WASHC5: variants seen among roughly 807,000 people sequenced by gnomAD.
WASHC5 encodes WASH complex subunit strumpellin.
Under a neutral mutation model 150.4 loss-of-function variants are expected in WASHC5, and 101 were observed. The ratio of observed to expected loss-of-function variants is 0.67; its 90% CI spans 0.57 to 0.79. WASHC5 has a LOEUF of 0.79. WASHC5 is among the 30% of genes least tolerant of loss of function. The pLI is 0.00. For synonymous variants in WASHC5, 467 were observed against 491.2 expected (o/e 0.95, Z 0.65); for missense variants, 1,195 against 1,396.3 (o/e 0.86, Z 2.30).
chr8:125,068,302 G>T (rs1816806157), intron 9 of WASHC5, among the ~76,000 whole-genome samples: 1 of 152,132 alleles, frequency 6.6e-6, no homozygotes. Flanking sequence ...TGGAATTTTG[G>T]TACATGCTGG....
At chr8:125,062,889 A>G (rs970535472) in intron 11 of WASHC5, among the ~76,000 whole-genome samples, 1 of 152,196 alleles carries the variant, frequency 6.6e-6, no homozygotes, top group African/African-American at 2.4e-5. Flanking sequence ...TCTTATTTAT[A>G]AAAAATTTGA....
At position 125,049,191 on chromosome 8, in the gene WASHC5, G is replaced by A. The variant is rs760696858; in HGVS notation, c.2200-6C>T. 4 of 1,613,998 alleles carry A rather than the reference G, an allele frequency of 2.5e-6. No homozygotes were observed. The Admixed American group carries it at 6.7e-5, about 27-fold the overall frequency. ...TTGGGCATCAATTCACTTGGCTGTG[G>A]AAAAGGGGAAACATAAAGCTCTTAC... On this transcript the variant is annotated splice_polypyrimidine_tract_variant and splice_region_variant and intron_variant, in intron 18 of 28. Coordinates refer to ENST00000318410, the MANE Select transcript of WASHC5 (RefSeq NM_014846.4).
chr8:125,058,919 G>A (rs530569151), intron 14 of WASHC5, among the ~76,000 whole-genome samples: 1 of 151,862 alleles, frequency 6.6e-6, no homozygotes, highest in Non-Finnish European at 1.5e-5. Context: ...CATGCCTAGG[G>A]AATAAAGGAC....
chr8:125,080,765 T>G (rs1817233857), intron 5 of WASHC5, among the ~76,000 whole-genome samples: 1 of 152,216 alleles, frequency 6.6e-6, no homozygotes, highest in Non-Finnish European at 1.5e-5. Context: ...AAGACCTTAC[T>G]TCCTGAAGAA....
chr8:125,075,144 TCC>T, intron 7 of WASHC5, 33 bp from the exon 8 acceptor site: 2 of 1,297,358 alleles, frequency 1.5e-6, no homozygotes, highest in Non-Finnish European at 2.2e-6. Flanking sequence ...TTTGTTAAAT[TCC>T]TACTCACTTC....
At chr8:125,048,363 T>G (rs1202684080) in intron 19 of WASHC5, among the ~76,000 whole-genome samples, 1 of 152,220 alleles carries the variant, frequency 6.6e-6, no homozygotes, top group African/African-American at 2.4e-5. Flanking sequence ...TGGTATTCTT[T>G]TTTTACCCAA....
chr8:125,034,789 C>T (rs1815651091), intron 26 of WASHC5, among the ~76,000 whole-genome samples: 1 of 152,110 alleles, frequency 6.6e-6, no homozygotes, highest in South Asian at 2.1e-4. Context: ...GAGGAAGAAT[C>T]CTAACAGGAC....
chr8:125,027,257 C>T (rs1488985070), intron 28 of WASHC5, among the ~76,000 whole-genome samples: 1 of 151,870 alleles, frequency 6.6e-6, no homozygotes, highest in Non-Finnish European at 1.5e-5. Context: ...ATGCAGCAAT[C>T]CCACTACTGG....
chr8:125,029,030 C>CT lies in WASHC5; in HGVS notation c.3336-324dup, dbSNP rs574526697. 3.7e-3 allele frequency among the ~76,000 whole-genome samples: 453 copies of CT among 122,864 alleles called. 2 individuals are homozygous for CT. The highest frequency in any genetic ancestry group is 0.011 in the Middle Eastern group (2 of 174). 80.6% of individuals were successfully genotyped at this position (122,864 alleles called of 152,430 possible). ...TCCCATACTTTCCCATCCCTGCACACTTTTTTTTTTTTTTTTTTGCGACAG... is the reference window on the plus strand; with the variant it reads ...TCCCATACTTTCCCATCCCTGCACACTTTTTTTTTTTTTTTTTTTGCGACAG... On this transcript the variant is annotated intron_variant, in intron 27 of 28. Coordinates refer to ENST00000318410, the MANE Select transcript of WASHC5 (RefSeq NM_014846.4).
intron 26 of WASHC5, 104 bp downstream of exon 26, chr8:125,037,133 A>C: frequency 1.4e-6 from 1 of 737,996 alleles, no homozygotes. Context: ...TTAACTAAGA[A>C]AAGATCTCAT....
chr8:125,076,837 G>A (rs1161619663), intron 6 of WASHC5, among the ~76,000 whole-genome samples: 1 of 150,432 alleles, frequency 6.6e-6, no homozygotes, highest in Admixed American at 6.6e-5. Context: ...GAACTGACAG[G>A]CTCCACTCAC....
chr8:125,078,744 G>A lies in WASHC5; in HGVS notation c.705C>T (p.Tyr235=), dbSNP rs1817136190. Residue 235 remains tyrosine (Y), a synonymous_variant, in exon 6 of 29, where the codon TAC becomes TAT. Transcript: ENST00000318410. ...TAATAGATTTAATTCCCACCTGGTT[G>A]TAAATATCATCAGATCTCAGTCGAC... ...VIGRLRSDDI[Y]NQVSAYPLPE... 1 of 1,612,454 alleles carries A rather than the reference G, an allele frequency of 6.2e-7. No individual in the cohort carries two copies. The highest frequency in any genetic ancestry group is 8.5e-7 in the Non-Finnish European group (1 of 1,178,570).
In WASHC5 at chr8:125,073,134, C is replaced by G. The variant is rs1253043692; in HGVS notation, c.1150+19G>C. ...CTTTATGTGGAGTAATATAAACGGC[C>G]ACCCCTTTTGTGCATTACCTGAGTC... On this transcript the variant is annotated intron_variant, in intron 9 of 28. Coordinates refer to ENST00000318410, the MANE Select transcript of WASHC5 (RefSeq NM_014846.4). The G allele has an allele frequency of 6.2e-7, 1 of 1,613,454 alleles. No individual in the cohort carries two copies. Among genetic ancestry groups the G allele is most frequent in the African/African-American group, 1.3e-5 (1 of 74,896 alleles).
intron 17 of WASHC5, 122 bp from the exon 18 acceptor site, chr8:125,050,787 T>G (rs189986592): frequency 2.7e-6 from 2 of 737,842 alleles, no homozygotes; most frequent in African/African-American, 1.7e-5. Flanking sequence ...ACTAAATGAT[T>G]TGAATTTTTT....
In WASHC5 at chr8:125,041,217, C is replaced by T. The variant is rs151313359; in HGVS notation, c.2851-1319G>A. 1.6e-3 allele frequency among the ~76,000 whole-genome samples: 251 copies of T among 152,244 alleles called. 1 individual carries two copies. The highest frequency in any genetic ancestry group is 5.9e-3 in the African/African-American group (243 of 41,532). ...CTGCCTATAAATGTCTTCTTTTCTA[C>T]TCGGACAAAGTATTCCTAAAAGACT... On this transcript the variant is annotated intron_variant, in intron 23 of 28. Coordinates refer to ENST00000318410, the MANE Select transcript of WASHC5 (RefSeq NM_014846.4).
chr8:125,056,299 C>T (rs936005673), intron 16 of WASHC5, among the ~76,000 whole-genome samples: 1 of 152,050 alleles, frequency 6.6e-6, no homozygotes, highest in Admixed American at 6.6e-5. Context: ...TTAAAATCTG[C>T]CCAAAAGAAA....
rs149064231 is a variant in WASHC5 at position 125,063,947 on chromosome 8, C to T, written c.1279-296G>A. Among the ~76,000 whole-genome samples, 7 of 152,198 alleles carry T rather than the reference C, an allele frequency of 4.6e-5. No homozygotes were observed. The East Asian group carries it at 9.7e-4, about 21-fold the overall frequency. On this transcript the variant is annotated intron_variant, in intron 10 of 28. Coordinates refer to ENST00000318410, the MANE Select transcript of WASHC5 (RefSeq NM_014846.4). ...CCACCCCCAAAGATTCTCGTTCAGGCGGTCTTGAATAGGGCCAGAAATCCG... is the reference window on the plus strand; with the variant it reads ...CCACCCCCAAAGATTCTCGTTCAGGTGGTCTTGAATAGGGCCAGAAATCCG...
At chr8:125,074,883 A>G (rs1563631729) in intron 8 of WASHC5, 115 bp downstream of exon 8, 2 of 746,142 alleles carry the variant, frequency 2.7e-6, no homozygotes, top group African/African-American at 1.7e-5. Context: ...TAATCATTGC[A>G]TTAAATTATC....
chr8:125,083,549 CT>C lies in WASHC5; in HGVS notation c.186+163del, dbSNP rs369998964. ...ATTGTGTTAGGGCTTTGACATAATA[CT>C]TTCAACTTATTTTCAAGTTAGTAGC... On this transcript the variant is annotated intron_variant, in intron 2 of 28. Coordinates refer to ENST00000318410, the MANE Select transcript of WASHC5 (RefSeq NM_014846.4). 5.8e-3 allele frequency among the ~76,000 whole-genome samples: 887 copies of C among 152,266 alleles called. 9 individuals are homozygous for C. The highest frequency in any genetic ancestry group is 0.025 in the South Asian group (120 of 4,826).
Sources: allele counts gnomAD v4.1 joint callset (sites outside exome capture counted in the v4.1 genomes callset), GRCh38; gene constraint gnomAD v4.1.1; transcripts MANE v1.5; gene names NCBI Gene and HGNC (gene_info 2026-07-23, HGNC 2026-07-21).